PLEKHA4: variants seen among roughly 807,000 people sequenced by gnomAD.
PLEKHA4 encodes pleckstrin homology domain-containing family A member 4.
PLEKHA4 carries 73 observed loss-of-function variants against 94.7 expected under a neutral mutation model. The observed-to-expected ratio is 0.77, with a 90% CI of 0.64 to 0.94. PLEKHA4 has a LOEUF of 0.94. Among genes scored for constraint, PLEKHA4 ranks in the 40% least tolerant of loss-of-function variants. The pLI is 0.00. For synonymous variants in PLEKHA4, 449 were observed against 437.1 expected, an observed-to-expected ratio of 1.03 and a Z score of -0.34; for missense variants, 1,049 against 1,054.1, an observed-to-expected ratio of 1.00 and a Z score of 0.07.
rs752716125 is a variant in PLEKHA4, at chr19:48,848,058, A to T, written c.1426-18T>A. On this transcript the variant is annotated intron_variant, in intron 13 of 19. Transcript: ENST00000263265. Reference sequence around the variant, plus strand: ...ACTCTGTCCTGCAGGGAGGAAAGGAATTTGTTACTTAAAGGTGGGAAAACG... The same window carrying T: ...ACTCTGTCCTGCAGGGAGGAAAGGATTTTGTTACTTAAAGGTGGGAAAACG... 2 of 1,612,492 alleles carry T rather than the reference A, an allele frequency of 1.2e-6. No individual in the cohort carries two copies. Among genetic ancestry groups the T allele is most frequent in the Admixed American group, 1.7e-5 (1 of 59,892 alleles).
At chr19:48,842,147 T>C (rs375843434) in intron 16 of PLEKHA4, among the ~76,000 whole-genome samples, 92 of 146,178 alleles carry the variant, frequency 6.3e-4, no homozygotes, top group African/African-American at 2.2e-3. Flanking sequence ...TATTTTCTTT[T>C]TTTTTTTTTT....
At chr19:48,866,262 T>C (rs1287118616) in intron 2 of PLEKHA4, among the ~76,000 whole-genome samples, 1 of 151,746 alleles carries the variant, frequency 6.6e-6, no homozygotes, top group Non-Finnish European at 1.5e-5. Flanking sequence ...TTACTTTTTG[T>C]AGGGGACGGG....
At chr19:48,859,340 C>G (rs1400191413) in intron 7 of PLEKHA4, 129 bp downstream of exon 7, 37 of 1,044,178 alleles carry the variant, frequency 3.5e-5, no homozygotes, top group Non-Finnish European at 4.2e-5. Flanking sequence ...CCCCGACAGG[C>G]TGTGACCCCC....
At chr19:48,847,518 G>A (rs1376243621) in intron 14 of PLEKHA4, among the ~76,000 whole-genome samples, 1 of 152,110 alleles carries the variant, frequency 6.6e-6, no homozygotes, top group African/African-American at 2.4e-5. Context: ...GATTACTCAA[G>A]GCCAGGAGTA....
Position 48,859,108 on chromosome 19 carries a change from G to T in PLEKHA4, c.724C>A (p.Pro242Thr). The change falls in exon 8 of 20, where the codon CCT (proline) becomes ACT (threonine). Residue 242 changes from proline to threonine, a missense_variant. Coordinates refer to ENST00000263265, the MANE Select transcript of PLEKHA4 (RefSeq NM_020904.3). ...LFTPLSRPPSPLSLPRPRSAP... is the reference protein window; with the variant it reads ...LFTPLSRPPSTLSLPRPRSAP... ...GAACGGGGACGGGGGAGGCTCAGAG[G>T]CGAGGGAGGGCGAGAGAGGGGGGTG... is the stretch of plus-strand genomic sequence containing the variant. The T allele has an allele frequency of 6.6e-7, 1 of 1,510,530 alleles. No individual in the cohort carries two copies. The highest frequency in any genetic ancestry group is 8.8e-7 in the Non-Finnish European group (1 of 1,134,586). The allele number at this position is 1,510,530 out of a possible 1,614,324, so 93.6% of individuals were successfully genotyped here. A position where few individuals can be genotyped will look rare whatever the true frequency, so the allele number is the denominator to read the frequency against.
At chr19:48,846,703 G>A (rs1266011869) in intron 14 of PLEKHA4, among the ~76,000 whole-genome samples, 2 of 152,108 alleles carry the variant, frequency 1.3e-5, no homozygotes, top group Admixed American at 6.6e-5. Context: ...CAGAGATGGA[G>A]GTTCCAGTGA....
At chr19:48,854,109 C>G in intron 10 of PLEKHA4, 22 bp from the exon 11 acceptor site, 1 of 1,614,128 alleles carries the variant, frequency 6.2e-7, no homozygotes, top group South Asian at 1.1e-5. Flanking sequence ...AGAGCGGGAG[C>G]TACTGATGGT....
intron 13 of PLEKHA4, 79 bp downstream of exon 13, chr19:48,852,149 G>A (rs1012379866): frequency 9.7e-6 from 11 of 1,138,634 alleles, no homozygotes; most frequent in African/African-American, 1.5e-5. Context: ...TTCTGTGGGC[G>A]AAGATTAAAT....
Position 48,867,607 on chromosome 19 carries a change from C to T in PLEKHA4, c.14G>A (p.Arg5Gln), listed in dbSNP as rs369635881. 8.1e-6 allele frequency: 13 copies of T among 1,596,814 alleles called. No homozygotes were observed. The African/African-American group carries it at 1.2e-4, about 15-fold the overall frequency. The change falls in exon 2 of 20, where the codon CGA becomes CAA. Residue 5 changes from arginine (R) to glutamine (Q), a missense_variant. Coordinates refer to ENST00000263265, the MANE Select transcript of PLEKHA4 (RefSeq NM_020904.3). The surrounding 1 kb of genome is among the most constrained non-coding windows in gnomAD (Gnocchi z 4.7). MEGS[R>Q]PRSSLSLASS... ...GGCCAGGCTCAGGCTGCTGCGAGGT[C>T]GGCTCCCCTCCATCAAGGGCTGGGG... is the stretch of plus-strand genomic sequence containing the variant.
intron 16 of PLEKHA4, among the ~76,000 whole-genome samples, chr19:48,843,364 A>G (rs1366439635): frequency 6.6e-6 from 1 of 152,034 alleles, no homozygotes; most frequent in Non-Finnish European, 1.5e-5. Context: ...TATTTTTAGT[A>G]GAGACGGGGT....
chr19:48,846,010 C>CA (rs1159060833), intron 14 of PLEKHA4, among the ~76,000 whole-genome samples: 17,489 of 71,112 alleles, frequency 0.25, 1,527 homozygotes, highest in Middle Eastern at 0.28. Flanking sequence ...GACTCTGCCT[C>CA]AAAAAAAAAA....
intron 7 of PLEKHA4, 45 bp from the exon 8 acceptor site, chr19:48,859,184 C>A (rs2036543376): frequency 7.4e-7 from 1 of 1,353,192 alleles, no homozygotes; most frequent in African/African-American, 1.5e-5. Flanking sequence ...CTAGAGCCCT[C>A]TCCATCCACC....
At chr19:48,853,901 C>T (rs1364425984) in intron 11 of PLEKHA4, 70 bp from the exon 12 acceptor site, 2 of 1,590,118 alleles carry the variant, frequency 1.3e-6, no homozygotes, top group African/African-American at 1.4e-5. Context: ...AAAAGATGTC[C>T]TTTCACGTCC....
intron 9 of PLEKHA4, among the ~76,000 whole-genome samples, chr19:48,855,415 C>T (rs1421995637): frequency 6.6e-6 from 1 of 151,938 alleles, no homozygotes; most frequent in African/African-American, 2.4e-5. Context: ...ACCAGCCTGA[C>T]CAACATGGTG....
At chr19:48,854,983 G>T (rs1599902377) in intron 9 of PLEKHA4, among the ~76,000 whole-genome samples, 1 of 151,854 alleles carries the variant, frequency 6.6e-6, no homozygotes, top group South Asian at 2.1e-4. Flanking sequence ...TGGGATTACA[G>T]GCATGAACCA....
intron 9 of PLEKHA4, 93 bp downstream of exon 9, chr19:48,857,329 T>C: frequency 1.6e-6 from 1 of 631,600 alleles, no homozygotes; most frequent in Non-Finnish European, 2.8e-6. Context: ...TCTACAGTTC[T>C]CTAGGCACCC....
In PLEKHA4 at chr19:48,837,192, C is replaced by A; in HGVS notation, c.*97G>T. 6.4e-7 allele frequency: 1 copy of A among 1,569,974 alleles called. No homozygotes were observed. Among genetic ancestry groups the A allele is most frequent in the Non-Finnish European group, 8.8e-7 (1 of 1,142,418 alleles). ...CCCCTCCCGGGCCCGCAATGGGGACCAGACCACGCCCCCTGATGCCCTGAG... is the reference window on the plus strand; with the variant it reads ...CCCCTCCCGGGCCCGCAATGGGGACAAGACCACGCCCCCTGATGCCCTGAG... On this transcript the variant is annotated 3_prime_UTR_variant, in exon 20 of 20. Transcript: ENST00000263265. The surrounding 1 kb of genome is among the most constrained non-coding windows in gnomAD (Gnocchi z 4.3).
At chr19:48,845,269 C>A in intron 16 of PLEKHA4, 101 bp downstream of exon 16, 1 of 1,121,786 alleles carries the variant, frequency 8.9e-7, no homozygotes, top group East Asian at 2.4e-5. Context: ...TCTCTCTGCT[C>A]TGAGTATGGC....
rs185478438 is a variant in PLEKHA4 at position 48,862,715 on chromosome 19, G to A, written c.193-1023C>T. ...TTTTTAGTAGAGACGGGGTTTCACC[G>A]TGTTAGCCAGGATGGTCTCGATCTC... On this transcript the variant is annotated intron_variant, in intron 3 of 19. Coordinates refer to ENST00000263265, the MANE Select transcript of PLEKHA4 (RefSeq NM_020904.3). Among the ~76,000 whole-genome samples the A allele has an allele frequency of 3.4e-3, 521 of 151,666 alleles. 11 individuals are homozygous for A. The highest frequency in any genetic ancestry group is 0.032 in the Admixed American group (480 of 15,190).
Sources: gnomAD v4.1 joint callset for allele counts (sites outside exome capture counted in the v4.1 genomes callset) on GRCh38, gnomAD v4.1.1 for gene constraint, Gnocchi (gnomAD v3.1) non-coding constraint, MANE v1.5 for transcripts, NCBI Gene and HGNC (gene_info 2026-07-23, HGNC 2026-07-21) for gene names.